PARD3: variants seen among roughly 807,000 people sequenced by gnomAD.
PARD3 encodes the protein partitioning defective 3 homolog.
PARD3 carries 75 observed loss-of-function variants against 155.4 expected under a neutral mutation model. That is an observed-to-expected ratio of 0.48 (90% CI 0.40 to 0.58). The LOEUF (loss-of-function observed/expected upper bound fraction) is 0.58. Among genes scored for constraint, PARD3 ranks in the 20% least tolerant of loss-of-function variants. The pLI, the probability that PARD3 is intolerant of heterozygous loss-of-function variation, is 0.00. For missense variants in PARD3, 1,642 were observed against 1,721.7 expected (o/e 0.95, Z 0.82); for synonymous variants, 576 against 610.5 (o/e 0.94, Z 0.83).
At chr10:34,118,181 G>C (rs1250408631) in intron 24 of PARD3, among the ~76,000 whole-genome samples, 1 of 151,972 alleles carries the variant, frequency 6.6e-6, no homozygotes, top group East Asian at 1.9e-4. Flanking sequence ...TACTCAAAGG[G>C]GTTTTATATA....
chr10:34,222,639 C>T (rs987954170), intron 22 of PARD3, among the ~76,000 whole-genome samples: 3 of 152,176 alleles, frequency 2.0e-5, no homozygotes, highest in Non-Finnish European at 2.9e-5. Flanking sequence ...GGTCTGTGAG[C>T]GTCCCCAAGG....
intron 2 of PARD3, among the ~76,000 whole-genome samples, chr10:34,680,490 T>G (rs2093791366): frequency 6.8e-6 from 1 of 146,162 alleles, no homozygotes; most frequent in African/African-American, 2.6e-5. Context: ...ACCCAGGAGG[T>G]GGAGGTTGCA....
intron 20 of PARD3, among the ~76,000 whole-genome samples, chr10:34,295,443 C>T (rs1162208311): frequency 1.3e-5 from 2 of 152,196 alleles, no homozygotes; most frequent in African/African-American, 2.4e-5. Flanking sequence ...AGAACTGTCA[C>T]GTCTGCACTG....
At chr10:34,666,388 A>C (rs1356691575) in intron 2 of PARD3, among the ~76,000 whole-genome samples, 1 of 152,164 alleles carries the variant, frequency 6.6e-6, no homozygotes, top group Non-Finnish European at 1.5e-5. Context: ...ATGATACAGA[A>C]TAAAAATGTC....
chr10:34,324,971 T>C (rs1958599284), intron 19 of PARD3, among the ~76,000 whole-genome samples: 1 of 152,162 alleles, frequency 6.6e-6, no homozygotes. Flanking sequence ...TATTATTTTA[T>C]TTGAAATGCA....
intron 2 of PARD3, among the ~76,000 whole-genome samples, chr10:34,638,594 A>G (rs1564447471): frequency 6.6e-6 from 1 of 152,196 alleles, no homozygotes; most frequent in Non-Finnish European, 1.5e-5. Context: ...GCGCAGGCTC[A>G]CTCAGCTGCC....
chr10:34,412,284 A>C (rs1024052085), intron 5 of PARD3, among the ~76,000 whole-genome samples: 1 of 152,112 alleles, frequency 6.6e-6, no homozygotes, highest in African/African-American at 2.4e-5. Context: ...AATCCCGTAG[A>C]TATCATATAT....
intron 1 of PARD3, among the ~76,000 whole-genome samples, chr10:34,730,032 A>G (rs567448186): frequency 1.5e-4 from 23 of 152,356 alleles, no homozygotes; most frequent in African/African-American, 5.5e-4. Context: ...AGAGCAATTC[A>G]TTAAGAATTT....
intron 1 of PARD3, among the ~76,000 whole-genome samples, chr10:34,739,381 C>T (rs542568340): frequency 8.5e-5 from 13 of 152,184 alleles, no homozygotes; most frequent in Non-Finnish European, 1.9e-4. Flanking sequence ...AAAGAATGAC[C>T]GCACCAGAGG....
intron 22 of PARD3, among the ~76,000 whole-genome samples, chr10:34,261,817 G>C (rs59509209): frequency 0.12 from 10,926 of 94,862 alleles, 1,329 homozygotes; most frequent in African/African-American, 0.29. Flanking sequence ...AAGAAAGAAA[G>C]AAAGAAAGAA....
At chr10:34,681,772 T>TA (rs2093846127) in intron 2 of PARD3, among the ~76,000 whole-genome samples, 2 of 17,256 alleles carry the variant, frequency 1.2e-4, no homozygotes, top group African/African-American at 2.2e-4. Flanking sequence ...ATATATATTT[T>TA]TTTTTTTTTT....
intron 16 of PARD3, among the ~76,000 whole-genome samples, chr10:34,340,714 C>G (rs1480909857): frequency 6.6e-6 from 1 of 152,004 alleles, no homozygotes; most frequent in East Asian, 1.9e-4. Flanking sequence ...TTAAGATCAT[C>G]ACTAAAAATG....
chr10:34,276,650 C>T (rs957725224), intron 21 of PARD3, among the ~76,000 whole-genome samples: 8 of 152,010 alleles, frequency 5.3e-5, no homozygotes, highest in East Asian at 1.9e-4. Flanking sequence ...GTACCAGGTA[C>T]GGGAATAACC....
chr10:34,518,459 T>A (rs1467037219), intron 2 of PARD3, among the ~76,000 whole-genome samples: 5 of 152,098 alleles, frequency 3.3e-5, no homozygotes, highest in Non-Finnish European at 7.4e-5. Context: ...TGCCTTGTGA[T>A]GTCAAAAAGG....
rs1279521848 is a variant in PARD3 at position 34,605,560 on chromosome 10, C to A, written c.223-88401G>T. ...TCCTATATATATATATATATATCTCCTATATATATATATATCTCCTATATA... is the reference window on the plus strand; with the variant it reads ...TCCTATATATATATATATATATCTCATATATATATATATATCTCCTATATA... On this transcript the variant is annotated intron_variant, in intron 2 of 24. Transcript: ENST00000374788. 2.7e-4 allele frequency among the ~76,000 whole-genome samples: 4 copies of A among 14,576 alleles called. No individual in the cohort carries two copies. In the African/African-American group the frequency reaches 3.1e-3, roughly 11 times the overall value. The allele number at this position is 14,576 out of a possible 152,430, so 9.6% of individuals were successfully genotyped here. A position where few individuals can be genotyped will look rare whatever the true frequency, so the allele number is the denominator to read the frequency against.
chr10:34,804,065 G>C, intron 1 of PARD3, among the ~76,000 whole-genome samples: 1 of 144,108 alleles, frequency 6.9e-6, no homozygotes, highest in Non-Finnish European at 1.5e-5. Flanking sequence ...ATGAAGTCTC[G>C]CTCTATCGCC....
chr10:34,212,720 T>C (rs754087859), intron 22 of PARD3, among the ~76,000 whole-genome samples: 8 of 152,092 alleles, frequency 5.3e-5, no homozygotes, highest in Admixed American at 3.3e-4. Context: ...GTGGAGCAGC[T>C]TGAAAAGCCA....
chr10:34,197,467 C>T (rs1354048508), intron 22 of PARD3, among the ~76,000 whole-genome samples: 2 of 152,180 alleles, frequency 1.3e-5, no homozygotes, highest in Non-Finnish European at 2.9e-5. Flanking sequence ...CCTCAGCAAT[C>T]AACCTCCAAG....
chr10:34,807,290 T>C (rs1476939311), intron 1 of PARD3, among the ~76,000 whole-genome samples: 1 of 152,246 alleles, frequency 6.6e-6, no homozygotes, highest in East Asian at 1.9e-4. Context: ...CACATATATA[T>C]GTCATTTTAT....
Sources: gnomAD v4.1 joint callset for allele counts (sites outside exome capture counted in the v4.1 genomes callset) on GRCh38, gnomAD v4.1.1 for gene constraint, MANE v1.5 for transcripts, NCBI Gene and HGNC (gene_info 2026-07-23, HGNC 2026-07-21) for gene names.